The following FIRRM variants were observed in gnomAD, a reference collection of about 807,000 sequenced individuals.
FIRRM encodes FIGNL1-interacting regulator of recombination and mitosis.
At chr1:169,836,048 ATTTAATTT>A in the FIRRM span, among the ~76,000 whole-genome samples, 1 of 107,048 alleles carries the variant, frequency 9.3e-6, no homozygotes, top group South Asian at 3.8e-4. Context: ...TCTCTGTCAG[ATTTAATTT>A]TTTTTTTTTT....
the FIRRM span, chr1:169,795,366 G>A: frequency 7.1e-7 from 1 of 1,406,664 alleles, no homozygotes; most frequent in Non-Finnish European, 9.3e-7. Flanking sequence ...GATGAAAAGT[G>A]AGGGACTGGA....
the FIRRM span, chr1:169,853,704 C>A: frequency 2.5e-6 from 4 of 1,612,986 alleles, no homozygotes; most frequent in Admixed American, 6.7e-5. Flanking sequence ...GTTTAACTCA[C>A]ATCTATTGTC....
chr1:169,828,016 T>C, the FIRRM span, among the ~76,000 whole-genome samples: 1 of 152,174 alleles, frequency 6.6e-6, no homozygotes, highest in Non-Finnish European at 1.5e-5. Flanking sequence ...AAATATAAAA[T>C]ATATAAACCT....
the FIRRM span, among the ~76,000 whole-genome samples, chr1:169,811,866 A>G: frequency 4.2e-5 from 6 of 143,276 alleles, no homozygotes; most frequent in Non-Finnish European, 7.4e-5. Flanking sequence ...ATAGATAGAT[A>G]GATTAGATAG....
At chr1:169,795,670 G>A in the FIRRM span, 1 of 988,274 alleles carries the variant, frequency 1.0e-6, no homozygotes, top group African/African-American at 1.7e-5. Context: ...TATGAATAAG[G>A]GCTTTCTTAG....
chr1:169,827,920 T>A, the FIRRM span: 4 of 1,482,002 alleles, frequency 2.7e-6, no homozygotes, highest in African/African-American at 5.7e-5. Flanking sequence ...GAAATTAAGT[T>A]TGTGTGTTTT....
the FIRRM span, among the ~76,000 whole-genome samples, chr1:169,835,258 A>G: frequency 1.0e-2 from 1,522 of 152,306 alleles, 27 homozygotes; most frequent in African/African-American, 0.035. Context: ...AAAGGTGTCT[A>G]TGATGCTAAT....
chr1:169,827,828 A>C, the FIRRM span: 1 of 1,613,868 alleles, frequency 6.2e-7, no homozygotes, highest in African/African-American at 1.3e-5. Context: ...CAGGTCTCAG[A>C]AACGACAACC....
chr1:169,808,966 C>G, the FIRRM span, among the ~76,000 whole-genome samples: 2 of 152,154 alleles, frequency 1.3e-5, 1 homozygote, highest in South Asian at 4.1e-4. Context: ...GACATAGCCC[C>G]TTCTATTGTA....
At chr1:169,816,177 A>G in the FIRRM span, among the ~76,000 whole-genome samples, 1 of 141,586 alleles carries the variant, frequency 7.1e-6, no homozygotes, top group Admixed American at 7.5e-5. Flanking sequence ...TATCCCAAGT[A>G]AACTAAATAA....
chr1:169,819,080 A>G, the FIRRM span, among the ~76,000 whole-genome samples: 1 of 152,238 alleles, frequency 6.6e-6, no homozygotes, highest in Non-Finnish European at 1.5e-5. Context: ...CCTAATAAGC[A>G]GGCACAGTTG....
the FIRRM span, among the ~76,000 whole-genome samples, chr1:169,844,509 T>C: frequency 6.6e-6 from 1 of 152,222 alleles, no homozygotes; most frequent in Non-Finnish European, 1.5e-5. Context: ...ATCGAAGAGA[T>C]GATTCCTGTC....
chr1:169,807,647 G>C, the FIRRM span: 1 of 637,644 alleles, frequency 1.6e-6, no homozygotes, highest in Non-Finnish European at 2.4e-6. Context: ...GAGGTAAACT[G>C]GGCACATCTT....
chr1:169,819,740 C>T, the FIRRM span, among the ~76,000 whole-genome samples: 2,301 of 152,246 alleles, frequency 0.015, 169 homozygotes, highest in East Asian at 0.22. Flanking sequence ...ATATTTCTGG[C>T]TTTTGAACGT....
chr1:169,829,325 C>T, the FIRRM span: 8 of 1,613,422 alleles, frequency 5.0e-6, no homozygotes, highest in Non-Finnish European at 5.1e-6. Flanking sequence ...CTCTCTCTAC[C>T]TGTTCATTTA....
the FIRRM span, chr1:169,804,171 G>A: frequency 2.0e-5 from 32 of 1,600,044 alleles, no homozygotes; most frequent in South Asian, 3.6e-4. Context: ...GCAGTTAATG[G>A]AACTGCTGGA....
chr1:169,809,664 T>C, the FIRRM span, among the ~76,000 whole-genome samples: 1 of 152,182 alleles, frequency 6.6e-6, no homozygotes. Context: ...TAAATTCTCT[T>C]AACTGTCCAA....
the FIRRM span, chr1:169,795,232 C>T: frequency 3.3e-6 from 5 of 1,532,696 alleles, no homozygotes; most frequent in South Asian, 1.2e-5. Context: ...CCTTGGTTGT[C>T]ACTTCTACCT....
At chr1:169,811,512 A>G in the FIRRM span, among the ~76,000 whole-genome samples, 1 of 152,064 alleles carries the variant, frequency 6.6e-6, no homozygotes, top group East Asian at 1.9e-4. Flanking sequence ...AAAATTCTCC[A>G]GGCCTCATGG....
Sources: gnomAD v4.1 joint callset for allele counts (sites outside exome capture counted in the v4.1 genomes callset) on GRCh38, gnomAD v4.1.1 for gene constraint, MANE v1.5 for transcripts, NCBI Gene and HGNC (gene_info 2026-07-23, HGNC 2026-07-21) for gene names.